Variants in CLVS1 observed in about 807,000 individuals in gnomAD.
CLVS1 encodes clavesin 1.
Under a neutral mutation model 33.1 loss-of-function variants are expected in CLVS1, and 10 were observed. The observed-to-expected ratio is 0.30, with a 90% CI of 0.19 to 0.51. The LOEUF is 0.51. Ranked by LOEUF, CLVS1 falls within the 20% of genes least tolerant of loss-of-function variation. CLVS1 has a pLI of 0.97. For synonymous variants in CLVS1, 163 were observed against 166.1 expected (o/e 0.98, Z 0.14); for missense variants, 343 against 433.4 (o/e 0.79, Z 1.85).
At chr8:61,415,390 C>T (rs1220156529) in intron 3 of CLVS1, among the ~76,000 whole-genome samples, 1 of 152,170 alleles carries the variant, frequency 6.6e-6, no homozygotes, top group Non-Finnish European at 1.5e-5. Context: ...CTTCATTTTG[C>T]AGTAATCAAC....
At chr8:61,342,458 G>T (rs982194892) in intron 2 of CLVS1, among the ~76,000 whole-genome samples, 1 of 152,212 alleles carries the variant, frequency 6.6e-6, no homozygotes, top group Non-Finnish European at 1.5e-5. Flanking sequence ...GCGCTTGTCT[G>T]CCTTGCTCTC....
At chr8:60,983,837 A>AC in the CLVS1 span, among the ~76,000 whole-genome samples, 1 of 151,696 alleles carries the variant, frequency 6.6e-6, no homozygotes, top group African/African-American at 2.4e-5. Context: ...ATAACCAGAG[A>AC]CCCCCACTTC....
intron 2 of CLVS1, among the ~76,000 whole-genome samples, chr8:61,243,396 A>G (rs1808737426): frequency 6.6e-6 from 1 of 152,178 alleles, no homozygotes; most frequent in Non-Finnish European, 1.5e-5. Context: ...GTATTCATCT[A>G]GAGTGTCCTT....
Position 61,299,944 on chromosome 8 carries a change from C to T in CLVS1, c.117C>T (p.Arg39=), listed in dbSNP as rs146100118. Residue 39 remains arginine, a synonymous_variant, in exon 2 of 6, where the codon CGC becomes CGT. Coordinates refer to ENST00000325897, the MANE Select transcript of CLVS1 (RefSeq NM_173519.3). ...GTCCAGAGACTATAGAGAAAGCTCG[C>T]CTGGAACTGAATGAAAACCCCGATG... The part of the protein sequence containing the change: ...GLSPETIEKA[R]LELNENPDVL... 1 of 1,613,978 alleles carries T rather than the reference C, an allele frequency of 6.2e-7. No individual in the cohort carries two copies. The highest frequency in any genetic ancestry group is 8.5e-7 in the Non-Finnish European group (1 of 1,179,978).
chr8:61,341,179 T>C (rs565638908), intron 2 of CLVS1, among the ~76,000 whole-genome samples: 2 of 152,332 alleles, frequency 1.3e-5, no homozygotes, highest in Admixed American at 1.3e-4. Context: ...ATTTCAGTGT[T>C]TGTCATTTCC....
chr8:61,291,701 T>G (rs1253010468), intron 1 of CLVS1, among the ~76,000 whole-genome samples: 2 of 152,200 alleles, frequency 1.3e-5, no homozygotes, highest in African/African-American at 4.8e-5. Context: ...TCTCTCTAAA[T>G]TTCCCTGCCT....
At chr8:61,026,540 A>T in the CLVS1 span, among the ~76,000 whole-genome samples, 1 of 152,156 alleles carries the variant, frequency 6.6e-6, no homozygotes, top group African/African-American at 2.4e-5. Context: ...GTGCTTTGGG[A>T]ATTCCTTGAT....
chr8:61,111,542 CT>C (rs1381898230), intron 1 of CLVS1, among the ~76,000 whole-genome samples: 1 of 152,160 alleles, frequency 6.6e-6, no homozygotes, highest in Non-Finnish European at 1.5e-5. Flanking sequence ...TCAATTGAAA[CT>C]TATTTTAGTT....
At chr8:61,203,379 G>T in intron 2 of CLVS1, among the ~76,000 whole-genome samples, 1 of 152,120 alleles carries the variant, frequency 6.6e-6, no homozygotes, top group Non-Finnish European at 1.5e-5. Context: ...AGAATGTGTT[G>T]TCCAAAATGC....
chr8:61,243,365 G>A (rs1808736991), intron 2 of CLVS1, among the ~76,000 whole-genome samples: 1 of 152,150 alleles, frequency 6.6e-6, no homozygotes, highest in South Asian at 2.1e-4. Flanking sequence ...AGAGGCTTGG[G>A]CAGAATTTAT....
the CLVS1 span, among the ~76,000 whole-genome samples, chr8:61,038,687 C>T: frequency 1.3e-5 from 2 of 152,032 alleles, no homozygotes; most frequent in Non-Finnish European, 2.9e-5. Flanking sequence ...TATCTCAAGC[C>T]CATGTCAGCC....
intron 2 of CLVS1, among the ~76,000 whole-genome samples, chr8:61,203,702 C>A (rs1807785686): frequency 6.6e-6 from 1 of 152,216 alleles, no homozygotes; most frequent in Admixed American, 6.5e-5. Context: ...AACTGTTTGA[C>A]ACTTGGAGCT....
At chr8:61,323,558 C>T (rs1811271987) in intron 2 of CLVS1, among the ~76,000 whole-genome samples, 1 of 152,104 alleles carries the variant, frequency 6.6e-6, no homozygotes, top group South Asian at 2.1e-4. Context: ...AGTCTCACCT[C>T]AATTTTCGGT....
intron 1 of CLVS1, among the ~76,000 whole-genome samples, chr8:61,121,339 C>A (rs945409979): frequency 6.6e-6 from 1 of 152,060 alleles, no homozygotes; most frequent in Non-Finnish European, 1.5e-5. Flanking sequence ...TCTTCTGCGT[C>A]GCTCACGCTG....
At chr8:61,453,087 A>ATT (rs11420974) in intron 3 of CLVS1, among the ~76,000 whole-genome samples, 7,689 of 148,378 alleles carry the variant, frequency 0.052, 598 homozygotes, top group African/African-American at 0.17. Flanking sequence ...TCTTGCTAAC[A>ATT]TTTTTTTTTT....
chr8:61,075,719 G>T (rs536533308), intron 1 of CLVS1, among the ~76,000 whole-genome samples: 1 of 152,070 alleles, frequency 6.6e-6, no homozygotes, highest in South Asian at 2.1e-4. Context: ...CTCTGTCTTG[G>T]CCCAGCAGCA....
chr8:61,439,409 A>AGTG lies in CLVS1; in HGVS notation c.631-14732_631-14731insGTG, dbSNP rs368035251. Among the ~76,000 whole-genome samples the AGTG allele has an allele frequency of 2.0e-5, 3 of 152,336 alleles. No individual in the cohort carries two copies. The East Asian group carries it at 5.8e-4, about 29-fold the overall frequency. On this transcript the variant is annotated intron_variant, in intron 3 of 5. Coordinates refer to ENST00000325897, the MANE Select transcript of CLVS1 (RefSeq NM_173519.3). ...GAAGTTGGAAGTGATTTTTATGGCA[A>AGTG]ATTAAGTTTCCATTGTTTGAACTCA...
intron 5 of CLVS1, among the ~76,000 whole-genome samples, chr8:61,483,189 C>A (rs1358121735): frequency 6.6e-6 from 1 of 151,986 alleles, no homozygotes; most frequent in Non-Finnish European, 1.5e-5. Context: ...ATTGATAGAC[C>A]ACTAGCAAGA....
intron 2 of CLVS1, among the ~76,000 whole-genome samples, chr8:61,320,176 T>C (rs1811145317): frequency 6.6e-6 from 1 of 152,188 alleles, no homozygotes; most frequent in Admixed American, 6.5e-5. Flanking sequence ...TAGAGTTATC[T>C]GCTCTGCCTT....
Sources: allele counts gnomAD v4.1 joint callset (sites outside exome capture counted in the v4.1 genomes callset), GRCh38; gene constraint gnomAD v4.1.1; transcripts MANE v1.5; gene names NCBI Gene and HGNC (gene_info 2026-07-23, HGNC 2026-07-21).